Variants in ASAH1 observed in about 807,000 individuals in gnomAD.
ASAH1 encodes acid ceramidase.
A neutral mutation model predicts 59.5 loss-of-function variants in ASAH1; 70 were observed. The ratio of observed to expected loss-of-function variants is 1.18; its 90% CI spans 0.97 to 1.43. The LOEUF is 1.43. Among genes scored for constraint, ASAH1 ranks in the 40% most tolerant of loss-of-function variants. The pLI, the probability that ASAH1 is intolerant of heterozygous loss-of-function variation, is 0.00. For synonymous variants in ASAH1, 213 were observed against 166.5 expected (o/e 1.28, Z -2.15); for missense variants, 660 against 482.5 (o/e 1.37, Z -3.45).
intron 2 of ASAH1, among the ~76,000 whole-genome samples, chr8:18,072,454 A>G (rs1377587166): frequency 6.6e-6 from 1 of 152,214 alleles, no homozygotes; most frequent in African/African-American, 2.4e-5. Context: ...TGGTATATGT[A>G]TGAGGTTTTA....
Position 18,062,281 on chromosome 8 carries a change from GT to G in ASAH1, c.645del (p.Lys215AsnfsTer9). 1 of 1,614,162 alleles carries G rather than the reference GT, an allele frequency of 6.2e-7. No individual in the cohort carries two copies. The highest frequency in any genetic ancestry group is 8.5e-7 in the Non-Finnish European group (1 of 1,180,028). Reference sequence around the variant, plus strand: ...TTATGTAACAACAGACTCCTTACTGGTTTGAATCCTGTTAACATGCCCACAT... The same window carrying G: ...TTATGTAACAACAGACTCCTTACTGGTTGAATCCTGTTAACATGCCCACAT... ...AGYVGMLTGF[K>X]PGLFSLTLNE... On this transcript the variant is annotated frameshift_variant, in exon 8 of 14. Transcript: ENST00000637790. LOFTEE classifies it high-confidence loss of function.
At chr8:18,065,728 C>T (rs1192841418) in intron 5 of ASAH1, 5 of 151,996 alleles carry the variant, frequency 3.3e-5, no homozygotes, top group African/African-American at 1.2e-4. Flanking sequence ...AAGAATTATA[C>T]CACCTAATTT....
chr8:18,060,663 G>A (rs1799655032), intron 10 of ASAH1: 1 of 152,308 alleles, frequency 6.6e-6, no homozygotes, highest in Non-Finnish European at 1.5e-5. Context: ...CTGGCTGAAT[G>A]AAGGAAAGGC....
chr8:18,072,589 T>G (rs1800219983), intron 2 of ASAH1, among the ~76,000 whole-genome samples: 1 of 152,222 alleles, frequency 6.6e-6, no homozygotes. Flanking sequence ...CATTTTCAAG[T>G]TCCCCATTTT....
intron 5 of ASAH1, 95 bp downstream of exon 5, chr8:18,067,119 TAAGACA>T: frequency 1.1e-5 from 6 of 543,836 alleles, no homozygotes; most frequent in Non-Finnish European, 1.3e-5. Flanking sequence ...GCTGTATATC[TAAGACA>T]TACAGCACCT....
At chr8:18,062,002 G>C (rs781083523) in intron 8 of ASAH1, 1 of 619,684 alleles carries the variant, frequency 1.6e-6, no homozygotes, top group Non-Finnish European at 2.8e-6. Context: ...ACTTGCCTAA[G>C]TGAGCGGAAG....
At chr8:18,069,261 G>T (rs1168909647) in intron 4 of ASAH1, among the ~76,000 whole-genome samples, 1 of 151,822 alleles carries the variant, frequency 6.6e-6, no homozygotes, top group East Asian at 1.9e-4. Flanking sequence ...GTGTTTCATT[G>T]GTTCTGCGTC....
intron 2 of ASAH1, among the ~76,000 whole-genome samples, chr8:18,074,540 C>T (rs184865370): frequency 4.1e-4 from 63 of 152,234 alleles, no homozygotes; most frequent in Non-Finnish European, 7.4e-4. Flanking sequence ...GTACTGTTTC[C>T]CCCTACAAAC....
chr8:18,078,648 AACTT>A (rs1354643444), intron 1 of ASAH1, among the ~76,000 whole-genome samples: 1 of 152,190 alleles, frequency 6.6e-6, no homozygotes, highest in Non-Finnish European at 1.5e-5. Context: ...AATTATAATG[AACTT>A]ACTTAATGTT....
chr8:18,084,292 G>A (rs1024990917), upstream of ASAH1: 102 of 1,435,128 alleles, frequency 7.1e-5, no homozygotes, highest in Non-Finnish European at 9.2e-5. Flanking sequence ...GCTACCTGCA[G>A]AAGGAGAGTC....
chr8:18,064,330 A>C, intron 6 of ASAH1, 127 bp downstream of exon 6: 1 of 759,132 alleles, frequency 1.3e-6, no homozygotes, highest in Non-Finnish European at 2.2e-6. Context: ...CCAAGAAATA[A>C]AAAGCTGTAT....
chr8:18,080,564 G>C (rs1374668860), intron 1 of ASAH1, among the ~76,000 whole-genome samples: 2 of 151,870 alleles, frequency 1.3e-5, no homozygotes, highest in African/African-American at 4.8e-5. Context: ...CTATTTTTTT[G>C]TTTTTGTTTT....
chr8:18,075,639 G>A, intron 1 of ASAH1, 52 bp from the exon 2 acceptor site: 1 of 1,549,654 alleles, frequency 6.5e-7, no homozygotes, highest in Non-Finnish European at 8.9e-7. Context: ...CTTGCCAACG[G>A]AATAAGCAAT....
At chr8:18,059,281 A>G in intron 12 of ASAH1, 60 bp downstream of exon 12, 1 of 1,612,196 alleles carries the variant, frequency 6.2e-7, no homozygotes, top group Non-Finnish European at 8.5e-7. Flanking sequence ...GAAAAATGCC[A>G]GAACCAAGGG....
chr8:18,062,957 G>T (rs1047153656), intron 7 of ASAH1: 14 of 421,968 alleles, frequency 3.3e-5, no homozygotes, highest in South Asian at 2.9e-4. Context: ...TGCAACCTCC[G>T]CCTCGCAGGT....
At chr8:18,058,546 G>C (rs1280594757) in intron 13 of ASAH1, 3 of 416,910 alleles carry the variant, frequency 7.2e-6, no homozygotes, top group Non-Finnish European at 1.3e-5. Context: ...TAGTTATATA[G>C]TGTGAGATTT....
chr8:18,071,485 T>C (rs1360866820), intron 2 of ASAH1, 95 bp from the exon 3 acceptor site: 4 of 889,238 alleles, frequency 4.5e-6, no homozygotes, highest in Non-Finnish European at 7.1e-6. Context: ...GGCAAAGTCT[T>C]AACAGCAGTG....
chr8:18,067,266 A>C lies in ASAH1; in HGVS notation c.336T>G (p.Phe112Leu). 1 of 1,607,554 alleles carries C rather than the reference A, an allele frequency of 6.2e-7. No individual in the cohort carries two copies. ...CGGCAATACCCTTCATTTCCTCTTC[A>C]AAAGGGCCAGGAAAGTTGCCAAGTA... is the stretch of plus-strand genomic sequence containing the variant. ...PGLLGNFPGP[F>L]EEEMKGIAAV... The change falls in exon 5 of 14, where the codon TTT becomes TTG. Residue 112 changes from phenylalanine (F) to leucine (L), a missense_variant. By Grantham distance (22) the Phe-to-Leu change is conservative. Coordinates refer to ENST00000637790, the MANE Select transcript of ASAH1 (RefSeq NM_177924.5).
At chr8:18,069,715 C>G (rs1471584487) in intron 4 of ASAH1, 77 bp downstream of exon 4, 1 of 1,096,336 alleles carries the variant, frequency 9.1e-7, no homozygotes, top group Admixed American at 1.8e-5. Context: ...GAAGAGGTTG[C>G]TGAATTATGC....
Sources: allele counts gnomAD v4.1 joint callset (sites outside exome capture counted in the v4.1 genomes callset), GRCh38; gene constraint gnomAD v4.1.1; transcripts MANE v1.5; gene names NCBI Gene and HGNC (gene_info 2026-07-23, HGNC 2026-07-21).